VPS39: variants seen among roughly 807,000 people sequenced by gnomAD.
The protein encoded by VPS39 is VPS39 subunit of HOPS complex.
Under a neutral mutation model 121.0 loss-of-function variants are expected in VPS39, and 70 were observed. That is an observed-to-expected ratio of 0.58 (90% CI 0.48 to 0.71). VPS39 has a LOEUF of 0.71. Ranked by LOEUF, VPS39 falls within the 30% of genes least tolerant of loss-of-function variation. The pLI, the probability that VPS39 is intolerant of heterozygous loss-of-function variation, is 0.00. For synonymous variants in VPS39, 378 were observed against 398.1 expected (o/e 0.95, Z 0.60); for missense variants, 818 against 1,051.5 (o/e 0.78, Z 3.07).
chr15:42,197,361 A>C (rs950745963), intron 2 of VPS39, among the ~76,000 whole-genome samples: 1 of 151,684 alleles, frequency 6.6e-6, no homozygotes, highest in Non-Finnish European at 1.5e-5. Context: ...AAAAAAAAAA[A>C]AGAAAAAATC....
chr15:42,189,631 A>G (rs2049778995), intron 4 of VPS39, among the ~76,000 whole-genome samples: 2 of 150,860 alleles, frequency 1.3e-5, no homozygotes, highest in South Asian at 4.2e-4. Flanking sequence ...CAGGGGGTTG[A>G]AGCAGGAGAA....
chr15:42,168,248 C>T (rs1357523681), intron 12 of VPS39, among the ~76,000 whole-genome samples: 2 of 152,248 alleles, frequency 1.3e-5, no homozygotes, highest in Non-Finnish European at 2.9e-5. Flanking sequence ...CAGGGAAGGA[C>T]GTGTGCTCAC....
Position 42,178,208 on chromosome 15 carries a change from C to A in VPS39, c.960+10G>T. On this transcript the variant is annotated intron_variant, in intron 10 of 24. Coordinates refer to ENST00000318006, the MANE Select transcript of VPS39 (RefSeq NM_015289.5). ...ATAAGGAAGGAAGACTAGTCAGGAA[C>A]AAGACTTACTGCGAGCTGCAGAGCC... 1.2e-6 allele frequency: 2 copies of A among 1,614,086 alleles called. No homozygotes were observed. Among genetic ancestry groups the A allele is most frequent in the Non-Finnish European group, 1.7e-6 (2 of 1,180,014 alleles).
At chr15:42,164,848 G>A in intron 18 of VPS39, 148 bp downstream of exon 18, 1 of 1,451,970 alleles carries the variant, frequency 6.9e-7, no homozygotes, top group Non-Finnish European at 9.0e-7. Context: ...CCAGGCTTGT[G>A]TCACTTAGCT....
At chr15:42,166,324 T>C in intron 15 of VPS39, 92 bp from the exon 16 acceptor site, 6 of 1,386,636 alleles carry the variant, frequency 4.3e-6, no homozygotes, top group Non-Finnish European at 6.1e-6. Flanking sequence ...AGAATTCATT[T>C]TCCTGAAAAG....
chr15:42,199,659 A>T (rs753135383), intron 2 of VPS39: 1 of 514,682 alleles, frequency 1.9e-6, no homozygotes, highest in South Asian at 2.0e-5. Flanking sequence ...CACTACCAGT[A>T]ATAAGTAATT....
intron 5 of VPS39, among the ~76,000 whole-genome samples, chr15:42,188,228 C>T (rs1214797883): frequency 6.6e-6 from 1 of 152,142 alleles, no homozygotes; most frequent in East Asian, 1.9e-4. Context: ...GACCATGTGC[C>T]AGTGACATCA....
chr15:42,165,996 C>G lies in VPS39; in HGVS notation c.1680+163G>C, dbSNP rs1390283817. Among the ~76,000 whole-genome samples, 6 of 152,210 alleles carry G rather than the reference C, an allele frequency of 3.9e-5. No homozygotes were observed. In the East Asian group the frequency reaches 1.2e-3, roughly 29 times the overall value. On this transcript the variant is annotated intron_variant, in intron 16 of 24. Coordinates refer to ENST00000318006, the MANE Select transcript of VPS39 (RefSeq NM_015289.5). The stretch of plus-strand genomic sequence containing the variant: ...CCTCCTCATGCCTGTGTAAGGCTCT[C>G]TCTACCAACTACAGTGCTGGCTCGC...
At chr15:42,165,597 AC>A in intron 17 of VPS39, 120 bp downstream of exon 17, 1 of 743,404 alleles carries the variant, frequency 1.3e-6, no homozygotes, top group East Asian at 2.6e-5. Flanking sequence ...AGCTGAAATA[AC>A]CCTCATCCTT....
In VPS39 at chr15:42,165,880, C is replaced by A. The variant is rs375967273; in HGVS notation, c.1681-64G>T. 7.0e-5 allele frequency: 101 copies of A among 1,443,752 alleles called. No homozygotes were observed. The East Asian group carries it at 1.3e-3, about 19-fold the overall frequency. The allele number at this position is 1,443,752 out of a possible 1,614,324, so 89.4% of individuals were successfully genotyped here. A position where few individuals can be genotyped will look rare whatever the true frequency, so the allele number is the denominator to read the frequency against. ...TGACTGCAGTTCCAGCAAACACACA[C>A]GCATGTGAGCGCAGGGATCAAACAG... is the stretch of plus-strand genomic sequence containing the variant. On this transcript the variant is annotated intron_variant, in intron 16 of 24. Transcript: ENST00000318006.
chr15:42,191,927 G>T, intron 2 of VPS39: 1 of 1,025,044 alleles, frequency 9.8e-7, no homozygotes, highest in Non-Finnish European at 1.4e-6. Context: ...CCCAAGCCAT[G>T]AAACCCAGCC....
chr15:42,203,808 C>T (rs16972840), intron 1 of VPS39, among the ~76,000 whole-genome samples: 6,496 of 152,278 alleles, frequency 0.043, 147 homozygotes, highest in African/African-American at 0.063. Context: ...CTCTAGGACA[C>T]GTTATTTAAC....
intron 2 of VPS39, among the ~76,000 whole-genome samples, chr15:42,199,231 C>T (rs1240852054): frequency 6.6e-6 from 1 of 152,080 alleles, no homozygotes; most frequent in East Asian, 1.9e-4. Context: ...TACTTTCTGC[C>T]CCAATAAAAA....
intron 17 of VPS39, chr15:42,165,368 A>G (rs2049221197): frequency 3.6e-6 from 2 of 551,002 alleles, no homozygotes; most frequent in Non-Finnish European, 6.4e-6. Flanking sequence ...AAACTCTCAT[A>G]GCGACTCATG....
In VPS39 at chr15:42,178,235, A is replaced by G. The variant is rs1473734471; in HGVS notation, c.943T>C (p.Leu315=). The change falls in exon 10 of 25, where the codon TTG becomes CTG. Residue 315 remains leucine, a synonymous_variant. Transcript: ENST00000318006. Reference sequence around the variant, plus strand: ...AGACTTACTGCGAGCTGCAGAGCCAATTCAAACTGCTTGTCCTGGAGAAGT... The same window carrying G: ...AGACTTACTGCGAGCTGCAGAGCCAGTTCAAACTGCTTGTCCTGGAGAAGT... ...QQLLQDKQFE[L]ALQLAEMKDD... The G allele has an allele frequency of 3.1e-6, 5 of 1,614,204 alleles. No homozygotes were observed. Among genetic ancestry groups the G allele is most frequent in the Admixed American group, 1.7e-5 (1 of 60,026 alleles).
intron 7 of VPS39, among the ~76,000 whole-genome samples, chr15:42,185,027 C>T (rs1158595930): frequency 6.6e-6 from 1 of 152,192 alleles, no homozygotes; most frequent in Non-Finnish European, 1.5e-5. Flanking sequence ...TTAAGATACA[C>T]TTGCCATATG....
chr15:42,208,195 G>A lies in VPS39; in HGVS notation c.-42C>T. ...TTGCCACCGCCGTCTCGCCCAGAGT[G>A]TTCCGGGCCGGGCTGGGGTCCGGAA... On this transcript the variant is annotated 5_prime_UTR_variant, in exon 1 of 25. Coordinates refer to ENST00000318006, the MANE Select transcript of VPS39 (RefSeq NM_015289.5). 3 of 1,553,230 alleles carry A rather than the reference G, an allele frequency of 1.9e-6. No homozygotes were observed. The highest frequency in any genetic ancestry group is 2.6e-6 in the Non-Finnish European group (3 of 1,148,080).
intron 8 of VPS39, 99 bp from the exon 9 acceptor site, chr15:42,178,669 C>A: frequency 2.0e-6 from 3 of 1,493,710 alleles, no homozygotes; most frequent in Non-Finnish European, 2.7e-6. Flanking sequence ...AATGGATCTC[C>A]AAAAAGTCCC....
chr15:42,169,918 G>A, intron 11 of VPS39, 52 bp from the exon 12 acceptor site: 2 of 1,513,674 alleles, frequency 1.3e-6, no homozygotes, highest in Non-Finnish European at 1.8e-6. Flanking sequence ...ACAATTTAGG[G>A]ATAAAATAAA....
Sources: gnomAD v4.1 joint callset for allele counts (sites outside exome capture counted in the v4.1 genomes callset) on GRCh38, gnomAD v4.1.1 for gene constraint, MANE v1.5 for transcripts, NCBI Gene and HGNC (gene_info 2026-07-23, HGNC 2026-07-21) for gene names.